Variants in KNTC1 observed in about 807,000 individuals in gnomAD.
The protein encoded by KNTC1 is kinetochore-associated protein 1.
In KNTC1, 253 loss-of-function variants were observed where a neutral mutation model predicts 314.4. That is an observed-to-expected ratio of 0.80 (90% confidence interval 0.73 to 0.89). The LOEUF is 0.89. Among genes scored for constraint, KNTC1 ranks in the 40% least tolerant of loss-of-function variants. The pLI is 0.00. For synonymous variants in KNTC1, 901 were observed against 901.4 expected (o/e 1.00, Z 0.01); for missense variants, 2,475 against 2,572.9 (o/e 0.96, Z 0.82).
chr12:122,552,011 G>A (rs1286235707), intron 16 of KNTC1, among the ~76,000 whole-genome samples: 6 of 151,986 alleles, frequency 3.9e-5, no homozygotes, highest in Non-Finnish European at 5.9e-5. Context: ...GGGTTCAAGC[G>A]ATTCTCCTGC....
At chr12:122,567,194 C>G (rs1355485282) in intron 20 of KNTC1, among the ~76,000 whole-genome samples, 1 of 152,012 alleles carries the variant, frequency 6.6e-6, no homozygotes, top group East Asian at 1.9e-4. Context: ...CCTCAGCCTC[C>G]CGAGTAGCTG....
intron 2 of KNTC1, among the ~76,000 whole-genome samples, chr12:122,532,365 C>T (rs1157021779): frequency 2.0e-5 from 3 of 151,882 alleles, no homozygotes; most frequent in African/African-American, 7.3e-5. Flanking sequence ...CGAGCCACCA[C>T]ACCCAGCTAA....
intron 31 of KNTC1, 58 bp from the exon 32 acceptor site, chr12:122,579,846 CT>C: frequency 8.8e-7 from 1 of 1,137,590 alleles, no homozygotes; most frequent in South Asian, 1.3e-5. Context: ...TGTATATGTA[CT>C]ACTGAAGTGG....
intron 60 of KNTC1, among the ~76,000 whole-genome samples, chr12:122,620,817 C>T (rs1350462218): frequency 6.6e-6 from 1 of 152,002 alleles, no homozygotes; most frequent in Admixed American, 6.6e-5. Flanking sequence ...GGGGTTTGGG[C>T]CTTATTGTCT....
intron 16 of KNTC1, among the ~76,000 whole-genome samples, chr12:122,552,119 G>T (rs1023872185): frequency 3.3e-5 from 5 of 152,044 alleles, no homozygotes; most frequent in African/African-American, 1.2e-4. Flanking sequence ...TTTTGGCCAG[G>T]CTGGCCTTGA....
At chr12:122,545,341 G>A (rs1467949648) in intron 8 of KNTC1, among the ~76,000 whole-genome samples, 2 of 152,038 alleles carry the variant, frequency 1.3e-5, no homozygotes, top group South Asian at 2.1e-4. Context: ...GTATCAGGCT[G>A]CAGTAGCTCT....
At chr12:122,615,671 C>A in intron 57 of KNTC1, 145 bp downstream of exon 57, 1 of 763,048 alleles carries the variant, frequency 1.3e-6, no homozygotes, top group Non-Finnish European at 1.9e-6. Flanking sequence ...CCTGTAACCC[C>A]AACGCTTTGG....
chr12:122,575,419 G>T, intron 27 of KNTC1, 124 bp from the exon 28 acceptor site: 1 of 662,644 alleles, frequency 1.5e-6, no homozygotes, highest in Non-Finnish European at 2.7e-6. Context: ...TTTCCAGTGA[G>T]TGGATGAAAT....
chr12:122,577,778 A>T lies in KNTC1; in HGVS notation c.2828A>T (p.Asp943Val). The T allele has an allele frequency of 1.2e-6, 2 of 1,612,756 alleles. No homozygotes were observed. The highest frequency in any genetic ancestry group is 1.7e-6 in the Non-Finnish European group (2 of 1,179,434). ...CGACTGGCATTACAAGAAGAGCCAG[A>T]TCATTCTAAAGAGGTGACATTTTCA... The part of the protein sequence containing the change: ...WARLALQEEP[D>V]HSKEGKAWRM... The change falls in exon 31 of 64, where the codon GAT becomes GTT. Residue 943 changes from aspartate to valine, a missense_variant. Coordinates refer to ENST00000333479, the MANE Select transcript of KNTC1 (RefSeq NM_014708.6).
chr12:122,551,522 A>G lies in KNTC1; in HGVS notation c.1195A>G (p.Arg399Gly). 6.2e-7 allele frequency: 1 copy of G among 1,606,236 alleles called. No individual in the cohort carries two copies. Among genetic ancestry groups the G allele is most frequent in the South Asian group, 1.1e-5 (1 of 90,440 alleles). The change falls in exon 15 of 64, where the codon AGA becomes GGA. Residue 399 changes from arginine (R) to glycine (G), a missense_variant and splice_region_variant. Arg to Gly is a moderately radical substitution (Grantham distance 125, BLOSUM62 -2). Transcript: ENST00000333479. ...RCLTEALPEN[R>G]LSRLLHKHRF... ...TCTTACGGAAGCTTTACCAGAAAAC[A>G]GGTAACTTCTCATTTTTTTTTAAGC...
intron 24 of KNTC1, 68 bp downstream of exon 24, chr12:122,571,194 A>G (rs1262086082): frequency 8.6e-7 from 1 of 1,157,242 alleles, no homozygotes; most frequent in Non-Finnish European, 1.3e-6. Context: ...GTCTGCATGT[A>G]TGTGAAGTAT....
At position 122,530,011 on chromosome 12, in the gene KNTC1, AT is replaced by A; in HGVS notation, c.-52del. ...ACAAGATAATATGGTGTCTAATTTT[AT>A]GTTGTTCAGGAAAGACAGTGGTTCC... On this transcript the variant is annotated 5_prime_UTR_variant, in exon 2 of 64. The change abolishes an upstream ATG in the 5' untranslated region. Transcript: ENST00000333479. 1 of 1,589,204 alleles carries A rather than the reference AT, an allele frequency of 6.3e-7. No homozygotes were observed.
chr12:122,620,627 C>T lies in KNTC1; in HGVS notation c.6279+19C>T, dbSNP rs138697044. ...AATTAAGGTATCGTGCACATGATTCCTCTGGGCTGCCAAGGAAATAGAAGG... is the reference window on the plus strand; with the variant it reads ...AATTAAGGTATCGTGCACATGATTCTTCTGGGCTGCCAAGGAAATAGAAGG... On this transcript the variant is annotated intron_variant, in intron 60 of 63. Coordinates refer to ENST00000333479, the MANE Select transcript of KNTC1 (RefSeq NM_014708.6). 6.9e-4 allele frequency: 1,112 copies of T among 1,608,768 alleles called. 17 individuals carry two copies. The Admixed American group carries it at 0.018, about 26-fold the overall frequency.
Position 122,577,014 on chromosome 12 carries a change from G to C in KNTC1, c.2706G>C (p.Leu902=). The C allele has an allele frequency of 6.5e-7, 1 of 1,549,284 alleles. No individual in the cohort carries two copies. Among genetic ancestry groups the C allele is most frequent in the Non-Finnish European group, 8.7e-7 (1 of 1,149,288 alleles). ...DEIYSLRIID[L]IDREQGEDCL... is the part of the protein sequence containing the mutation. ...TCTACAGTCTAAGAATTATTGACCTGATTGATAGAGAACAGGTTTGTAAGT... is the reference window on the plus strand; with the variant it reads ...TCTACAGTCTAAGAATTATTGACCTCATTGATAGAGAACAGGTTTGTAAGT... The change falls in exon 30 of 64, where the codon CTG becomes CTC. Residue 902 remains leucine, a synonymous_variant. Transcript: ENST00000333479.
chr12:122,591,594 G>T, intron 42 of KNTC1, 141 bp downstream of exon 42: 1 of 563,354 alleles, frequency 1.8e-6, no homozygotes, highest in South Asian at 2.3e-5. Context: ...ACACACATAG[G>T]TGCTTTCAAA....
chr12:122,601,666 C>T, intron 45 of KNTC1, 41 bp downstream of exon 45: 1 of 1,428,186 alleles, frequency 7.0e-7, no homozygotes, highest in Non-Finnish European at 9.2e-7. Flanking sequence ...CATCTTTCTG[C>T]TTTTATTTGG....
rs1276189751 is a variant in KNTC1, at chr12:122,562,707, C to G, written c.1604+8C>G. On this transcript the variant is annotated splice_region_variant and intron_variant, in intron 20 of 63. Coordinates refer to ENST00000333479, the MANE Select transcript of KNTC1 (RefSeq NM_014708.6). ...TGGACCAGAAAAATTCAGGTGTGTACATTTTTGTTAAAACTTTTTAGGCCA... is the reference window on the plus strand; with the variant it reads ...TGGACCAGAAAAATTCAGGTGTGTAGATTTTTGTTAAAACTTTTTAGGCCA... 1.9e-6 allele frequency: 3 copies of G among 1,595,448 alleles called. No homozygotes were observed. The highest frequency in any genetic ancestry group is 2.6e-6 in the Non-Finnish European group (3 of 1,164,642).
At chr12:122,538,502 TCTCTTA>T in intron 4 of KNTC1, 48 bp downstream of exon 4, 4 of 1,056,522 alleles carry the variant, frequency 3.8e-6, no homozygotes, top group Non-Finnish European at 4.1e-6. Context: ...TTCTAAATAA[TCTCTTA>T]GACAACTAAA....
chr12:122,555,514 T>C (rs1378548758), intron 16 of KNTC1, among the ~76,000 whole-genome samples: 2 of 151,940 alleles, frequency 1.3e-5, no homozygotes, highest in Non-Finnish European at 2.9e-5. Context: ...TTACACTTAC[T>C]GCACTCCAGC....
Sources: allele counts gnomAD v4.1 joint callset (sites outside exome capture counted in the v4.1 genomes callset), GRCh38; gene constraint gnomAD v4.1.1; transcripts MANE v1.5; gene names NCBI Gene and HGNC (gene_info 2026-07-23, HGNC 2026-07-21).